PM20D2: variants seen among roughly 807,000 people sequenced by gnomAD.
PM20D2 encodes the protein xaa-Arg dipeptidase.
A neutral mutation model predicts 42.9 loss-of-function variants in PM20D2; 33 were observed. The ratio of observed to expected loss-of-function variants is 0.77; its 90% CI spans 0.58 to 1.03. The LOEUF (loss-of-function observed/expected upper bound fraction) is 1.03. Among genes scored for constraint, PM20D2 ranks in the 50% least tolerant of loss-of-function variants. The pLI, the probability that PM20D2 is intolerant of heterozygous loss-of-function variation, is 0.00. For synonymous variants in PM20D2, 250 were observed against 228.2 expected, an observed-to-expected ratio of 1.10 and a Z score of -0.86; for missense variants, 548 against 557.0, an observed-to-expected ratio of 0.98 and a Z score of 0.16.
At chr6:89,120,495 A>G in the PM20D2 span, among the ~76,000 whole-genome samples, 1 of 152,198 alleles carries the variant, frequency 6.6e-6, no homozygotes, top group Non-Finnish European at 1.5e-5. Context: ...GGGTAGTCAC[A>G]ATTACTCATC....
chr6:89,160,960 A>G (rs926485649), intron 5 of PM20D2, among the ~76,000 whole-genome samples: 14 of 152,052 alleles, frequency 9.2e-5, no homozygotes, highest in African/African-American at 2.9e-4. Context: ...ATGGTATGAG[A>G]TCAGGTTGGA....
At chr6:89,113,171 T>A in the PM20D2 span, among the ~76,000 whole-genome samples, 1 of 152,074 alleles carries the variant, frequency 6.6e-6, no homozygotes, top group Non-Finnish European at 1.5e-5. Flanking sequence ...TAACATTTTA[T>A]CCCAATGATT....
chr6:89,117,471 G>A, the PM20D2 span, among the ~76,000 whole-genome samples: 17 of 152,300 alleles, frequency 1.1e-4, no homozygotes, highest in Admixed American at 9.8e-4. Context: ...GCACTCGCTG[G>A]AGCGCAAACC....
rs781690941 is a variant in PM20D2 at position 89,146,149 on chromosome 6, G to A, written c.5G>A (p.Arg2Lys). 2 of 1,491,976 alleles carry A rather than the reference G, an allele frequency of 1.3e-6. No individual in the cohort carries two copies. Among genetic ancestry groups the A allele is most frequent in the South Asian group, 1.3e-5 (1 of 75,908 alleles). The allele number at this position is 1,491,976 out of a possible 1,614,324, so 92.4% of individuals were successfully genotyped here. A position where few individuals can be genotyped will look rare whatever the true frequency, so the allele number is the denominator to read the frequency against. M[R>K]PGGERPVEGG... is the part of the protein sequence containing the mutation. ...AGGGCAGCGGGCTTGGGCAGCATGA[G>A]GCCCGGAGGGGAGCGGCCCGTGGAA... Residue 2 changes from arginine (R) to lysine (K), a missense_variant, in exon 1 of 7, where the codon AGG (arginine) becomes AAG (lysine). Arg to Lys is a conservative substitution (Grantham distance 26). Transcript: ENST00000275072.
the PM20D2 span, among the ~76,000 whole-genome samples, chr6:89,099,456 G>GTATATATACACA: frequency 2.8e-5 from 4 of 141,316 alleles, no homozygotes; most frequent in African/African-American, 1.1e-4. Context: ...ATATATGTGT[G>GTATATATACACA]TATATATGTG....
intron 2 of PM20D2, among the ~76,000 whole-genome samples, chr6:89,151,359 A>G (rs1770833795): frequency 6.6e-6 from 1 of 151,350 alleles, no homozygotes; most frequent in African/African-American, 2.4e-5. Context: ...CCTCCCATGG[A>G]CCTGGAATTA....
chr6:89,111,082 A>C, the PM20D2 span, among the ~76,000 whole-genome samples: 4 of 151,718 alleles, frequency 2.6e-5, no homozygotes, highest in Non-Finnish European at 1.5e-5. Flanking sequence ...ACTGCACTCC[A>C]GTCTGGGAAG....
the PM20D2 span, among the ~76,000 whole-genome samples, chr6:89,123,407 A>G: frequency 6.6e-6 from 1 of 152,210 alleles, no homozygotes; most frequent in Non-Finnish European, 1.5e-5. Context: ...TATCACCAAT[A>G]TTAATTTTTA....
chr6:89,140,244 G>C, the PM20D2 span, among the ~76,000 whole-genome samples: 1 of 152,122 alleles, frequency 6.6e-6, no homozygotes, highest in Non-Finnish European at 1.5e-5. Context: ...CACCAGTCCT[G>C]TCCTATTTAC....
chr6:89,130,666 CCCAGGCT>C, the PM20D2 span, among the ~76,000 whole-genome samples: 1 of 151,884 alleles, frequency 6.6e-6, no homozygotes, highest in African/African-American at 2.4e-5. Context: ...CACTATGTTG[CCCAGGCT>C]GGTCTCAAAC....
At chr6:89,145,082 G>A (rs1006197268), upstream of PM20D2, among the ~76,000 whole-genome samples, 6 of 152,120 alleles carry the variant, frequency 3.9e-5, no homozygotes, top group East Asian at 1.2e-3. Flanking sequence ...GACAAATTAA[G>A]GAAAGATGAT....
Position 89,150,271 on chromosome 6 carries a change from G to A in PM20D2, c.614+858G>A, listed in dbSNP as rs1395587614. ...TCTTCCTTCTTATCACTGGAAATTG[G>A]TACTGTGGCAGTAGGAGGAATCTTT... On this transcript the variant is annotated intron_variant, in intron 2 of 6. Coordinates refer to ENST00000275072, the MANE Select transcript of PM20D2 (RefSeq NM_001010853.3). Among the ~76,000 whole-genome samples, 5 of 152,130 alleles carry A rather than the reference G, an allele frequency of 3.3e-5. No individual in the cohort carries two copies. The South Asian group carries it at 8.3e-4, about 25-fold the overall frequency.
At chr6:89,155,404 C>T (rs1439389590) in intron 4 of PM20D2, among the ~76,000 whole-genome samples, 2 of 151,406 alleles carry the variant, frequency 1.3e-5, no homozygotes, top group Non-Finnish European at 2.9e-5. Flanking sequence ...CCTCCCACCT[C>T]AGCCAGCTGA....
Position 89,146,191 on chromosome 6 carries a change from G to A in PM20D2, c.47G>A (p.Gly16Asp). ...ERPVEGGACN[G>D]RSELELLKLR... ...CCCGTGGAAGGGGGCGCGTGCAATG[G>A]CCGCTCCGAGCTGGAGCTACTGAAG... The change falls in exon 1 of 7, where the codon GGC (glycine) becomes GAC (aspartate). Residue 16 changes from glycine (G) to aspartate (D), a missense_variant. Around this residue, in one of 3 missense-constraint regions of PM20D2, gnomAD observed 470 missense variants for 464.4 expected, o/e 1.01. Coordinates refer to ENST00000275072, the MANE Select transcript of PM20D2 (RefSeq NM_001010853.3). 6.5e-7 allele frequency: 1 copy of A among 1,545,348 alleles called. No individual in the cohort carries two copies. Among genetic ancestry groups the A allele is most frequent in the South Asian group, 1.2e-5 (1 of 84,042 alleles).
intron 3 of PM20D2, among the ~76,000 whole-genome samples, chr6:89,154,472 T>C (rs1008598194): frequency 1.3e-5 from 2 of 152,296 alleles, no homozygotes; most frequent in East Asian, 3.9e-4. Context: ...CTAAGTTTCA[T>C]TATAGTCTGG....
Position 89,160,949 on chromosome 6 carries a change from C to T in PM20D2, c.1049-834C>T, listed in dbSNP as rs950183061. On this transcript the variant is annotated intron_variant, in intron 5 of 6. Coordinates refer to ENST00000275072, the MANE Select transcript of PM20D2 (RefSeq NM_001010853.3). ...GCTAGGGCATCGAGAGTAGTGGGAA[C>T]ATGGTATGAGATCAGGTTGGAAAGG... Among the ~76,000 whole-genome samples, 19 of 150,748 alleles carry T rather than the reference C, an allele frequency of 1.3e-4. 2 individuals are homozygous for T. Among genetic ancestry groups the T allele is most frequent in the Admixed American group, 4.0e-4 (6 of 15,120 alleles).
chr6:89,162,405 A>G lies in PM20D2; in HGVS notation c.*142A>G, dbSNP rs1771276461. The G allele has an allele frequency of 1.2e-6, 1 of 861,308 alleles. No homozygotes were observed. The highest frequency in any genetic ancestry group is 3.1e-5 in the Admixed American group (1 of 31,790). The allele number at this position is 861,308 out of a possible 1,614,324, so 53.4% of individuals were successfully genotyped here. A position where few individuals can be genotyped will look rare whatever the true frequency, so the allele number is the denominator to read the frequency against. ...TAAGTGAGGACAGGGTGTGGAGAAA[A>G]CATATTAATTACCTCATATCTAAAG... is the stretch of plus-strand genomic sequence containing the variant. On this transcript the variant is annotated 3_prime_UTR_variant, in exon 7 of 7. Transcript: ENST00000275072.
At position 89,146,356 on chromosome 6, in the gene PM20D2, C is replaced by T; in HGVS notation, c.212C>T (p.Pro71Leu). Residue 71 changes from proline to leucine, a missense_variant, in exon 1 of 7, where the codon CCC (proline) becomes CTC (leucine). Pro to Leu is a moderately conservative substitution (Grantham distance 98). Coordinates refer to ENST00000275072, the MANE Select transcript of PM20D2 (RefSeq NM_001010853.3). ...ACGCACTTCTTCGAGCGGGAGCCGCCCGCGGCCTCCTGGGCAGTGCAGCCG... is the reference window on the plus strand; with the variant it reads ...ACGCACTTCTTCGAGCGGGAGCCGCTCGCGGCCTCCTGGGCAGTGCAGCCG... ...VLTHFFEREP[P>L]AASWAVQPHY... 1 of 1,553,224 alleles carries T rather than the reference C, an allele frequency of 6.4e-7. No homozygotes were observed. Among genetic ancestry groups the T allele is most frequent in the East Asian group, 2.3e-5 (1 of 42,628 alleles).
In PM20D2 at chr6:89,158,078, A is replaced by G. The variant is rs763367443; in HGVS notation, c.913-247A>G. Among the ~76,000 whole-genome samples the G allele has an allele frequency of 3.9e-5, 6 of 152,184 alleles. 1 individual carries two copies. The highest frequency in any genetic ancestry group is 8.8e-5 in the Non-Finnish European group (6 of 68,028). The stretch of plus-strand genomic sequence containing the variant: ...TGACTGAAGTTGACACTTGGTAGCT[A>G]GTATAGAGCTTGGTGACATTGTGGG... On this transcript the variant is annotated intron_variant, in intron 4 of 6. Coordinates refer to ENST00000275072, the MANE Select transcript of PM20D2 (RefSeq NM_001010853.3).
Sources: allele counts gnomAD v4.1 joint callset (sites outside exome capture counted in the v4.1 genomes callset), GRCh38; gene constraint gnomAD v4.1.1; regional missense constraint gnomAD v4.1.1; transcripts MANE v1.5; gene names NCBI Gene and HGNC (gene_info 2026-07-23, HGNC 2026-07-21).